The following PLAGL1 variants were observed in gnomAD, a reference collection of about 807,000 sequenced individuals.
PLAGL1 encodes zinc finger protein PLAGL1.
In PLAGL1, 1 loss-of-function variant was observed where a neutral mutation model predicts 4.6. The ratio of observed to expected loss-of-function variants is 0.22; its 90% confidence interval spans 0.08 to 1.03. PLAGL1 has a LOEUF of 1.03. Among genes scored for constraint, PLAGL1 ranks in the 50% least tolerant of loss-of-function variants. The pLI, the probability that PLAGL1 is intolerant of heterozygous loss-of-function variation, is 0.58. For missense variants in PLAGL1, 464 were observed against 570.4 expected (o/e 0.81, Z 1.90); for synonymous variants, 240 against 237.8 (o/e 1.01, Z -0.08).
chr6:144,055,403 T>C lies in PLAGL1; in HGVS notation c.-151+9065A>G, dbSNP rs1432874015. ...ACCACACTGGCATTCTTTAACATGA[T>C]GAATTTTATTATACAGATGAGGCTT... is the stretch of plus-strand genomic sequence containing the variant. On this transcript the variant is annotated intron_variant, in intron 1 of 3. Coordinates refer to the PLAGL1 transcript ENST00000437412. This position sits in a 1 kb window ranked among gnomAD's most constrained non-coding sequence, Gnocchi z 5.0. Among the ~76,000 whole-genome samples the C allele has an allele frequency of 2.0e-5, 3 of 152,226 alleles. No homozygotes were observed. The highest frequency in any genetic ancestry group is 4.4e-5 in the Non-Finnish European group (3 of 68,034).
In PLAGL1 at chr6:143,978,501, T is replaced by C. The variant is rs1787203018; in HGVS notation, c.-544+6634A>G. On this transcript the variant is annotated intron_variant, in intron 2 of 7. Transcript: ENST00000674357. The surrounding 1 kb of genome is among the most constrained non-coding windows in gnomAD (Gnocchi z 4.6). ...CAGCACTTTTTTCAGTATTAACTTT[T>C]AGTTTAATTCTGTAGTCTCAGAAAG... Among the ~76,000 whole-genome samples, 1 of 152,204 alleles carries C rather than the reference T, an allele frequency of 6.6e-6. No individual in the cohort carries two copies.
intron 1 of PLAGL1, among the ~76,000 whole-genome samples, chr6:144,002,006 C>G (rs1004157823): frequency 2.0e-5 from 3 of 151,912 alleles, no homozygotes; most frequent in African/African-American, 7.3e-5. Flanking sequence ...AAAAAAAGAA[C>G]ATTAGAGGGA....
intron 1 of PLAGL1, among the ~76,000 whole-genome samples, chr6:144,032,522 C>T (rs1424510683): frequency 6.6e-6 from 1 of 152,044 alleles, no homozygotes; most frequent in Non-Finnish European, 1.5e-5. Flanking sequence ...GTCATAATTT[C>T]TTCTACCTCC....
chr6:143,988,795 A>G (rs2128625361), intron 1 of PLAGL1, among the ~76,000 whole-genome samples: 1 of 152,248 alleles, frequency 6.6e-6, no homozygotes, highest in African/African-American at 2.4e-5. Context: ...AAAGCCAGCT[A>G]GTTCTCTGTC....
chr6:143,943,118 C>T (rs530722009), intron 7 of PLAGL1, among the ~76,000 whole-genome samples: 8 of 150,306 alleles, frequency 5.3e-5, no homozygotes, highest in African/African-American at 1.7e-4. Flanking sequence ...CCCGCCTTGG[C>T]CTCCAAAAGT....
At chr6:143,977,517 A>C (rs1786960807) in intron 2 of PLAGL1, among the ~76,000 whole-genome samples, 1 of 120,158 alleles carries the variant, frequency 8.3e-6, no homozygotes. Flanking sequence ...TCAATCGCCC[A>C]GACTGGGGTG....
rs948068416 is a variant in PLAGL1, at chr6:144,064,074, C to G, written c.-151+394G>C. On this transcript the variant is annotated intron_variant, in intron 1 of 3. Transcript: ENST00000437412. The surrounding 1 kb of genome is among the most constrained non-coding windows in gnomAD (Gnocchi z 6.8). The stretch of plus-strand genomic sequence containing the variant: ...CCCCAGCCTCGGAGAGCACAGGACC[C>G]GGGAGGCGGCGACCTGCCTCCGCGC... Among the ~76,000 whole-genome samples the G allele has an allele frequency of 2.0e-5, 3 of 152,188 alleles. No individual in the cohort carries two copies. The highest frequency in any genetic ancestry group is 7.2e-5 in the African/African-American group (3 of 41,458).
intron 1 of PLAGL1, among the ~76,000 whole-genome samples, chr6:144,025,187 G>A (rs777444067): frequency 1.9e-4 from 29 of 152,098 alleles, no homozygotes; most frequent in Middle Eastern, 3.2e-3. Context: ...TCAAACCCCA[G>A]TCTAACCATA....
chr6:144,018,172 TTATATAGTC>T (rs1180328745), intron 1 of PLAGL1, among the ~76,000 whole-genome samples: 1 of 152,236 alleles, frequency 6.6e-6, no homozygotes. Flanking sequence ...AATAGGATAT[TTATATAGTC>T]TATATAGTCT....
At position 143,984,810 on chromosome 6, in the gene PLAGL1, G is replaced by A. The variant is rs1315880193; in HGVS notation, c.-544+325C>T. Reference sequence around the variant, plus strand: ...GATACATAAATATGTTTTGGAGGAAGACTAATGCCCAACAGGACGTCTGCA... The same window carrying A: ...GATACATAAATATGTTTTGGAGGAAAACTAATGCCCAACAGGACGTCTGCA... On this transcript the variant is annotated intron_variant, in intron 2 of 7. Transcript: ENST00000674357. The surrounding 1 kb of genome is among the most constrained non-coding windows in gnomAD (Gnocchi z 5.5). Among the ~76,000 whole-genome samples the A allele has an allele frequency of 1.3e-5, 2 of 152,164 alleles. No individual in the cohort carries two copies. Among genetic ancestry groups the A allele is most frequent in the African/African-American group, 2.4e-5 (1 of 41,456 alleles).
chr6:144,023,465 G>C (rs562883620), intron 1 of PLAGL1, among the ~76,000 whole-genome samples: 3 of 152,142 alleles, frequency 2.0e-5, no homozygotes, highest in Admixed American at 1.3e-4. Flanking sequence ...CTCATTGAAG[G>C]GGGGCTGGGG....
Position 144,005,935 on chromosome 6 carries a change from T to C in PLAGL1, c.-584+2155A>G, listed in dbSNP as rs529073614. 9 of 152,272 alleles carry C rather than the reference T, an allele frequency of 5.9e-5. No homozygotes were observed. Among genetic ancestry groups the C allele is most frequent in the African/African-American group, 1.4e-4 (6 of 41,588 alleles). 9.4% of individuals were successfully genotyped at this position (152,272 alleles called of 1,614,324 possible). A position where few individuals can be genotyped will look rare whatever the true frequency, so the allele number is the denominator to read the frequency against. ...TCTGTAAAGTTCTGTGATTTTTATA[T>C]ACTTTTTAGTATTTCGTTTTTCATA... is the stretch of plus-strand genomic sequence containing the variant. On this transcript the variant is annotated intron_variant, in intron 1 of 7. Transcript: ENST00000674357. This position sits in a 1 kb window ranked among gnomAD's most constrained non-coding sequence, Gnocchi z 4.6.
chr6:144,020,390 C>A (rs1427543574), intron 1 of PLAGL1, among the ~76,000 whole-genome samples: 2 of 152,078 alleles, frequency 1.3e-5, no homozygotes, highest in Non-Finnish European at 2.9e-5. Flanking sequence ...CAGGTTCAAG[C>A]AAGTCTCCTG....
At chr6:144,040,560 C>A (rs957920441) in intron 1 of PLAGL1, among the ~76,000 whole-genome samples, 59 of 149,058 alleles carry the variant, frequency 4.0e-4, no homozygotes, top group African/African-American at 1.5e-3. Context: ...ATAAAGAAAA[C>A]AATGTCTAAA....
intron 1 of PLAGL1, among the ~76,000 whole-genome samples, chr6:144,042,361 G>A (rs1042928473): frequency 2.0e-5 from 3 of 152,172 alleles, no homozygotes; most frequent in African/African-American, 4.8e-5. Flanking sequence ...TAAGGTGAAA[G>A]GAAGGGATCC....
At chr6:144,035,967 G>C (rs1396123193) in intron 1 of PLAGL1, among the ~76,000 whole-genome samples, 7 of 152,174 alleles carry the variant, frequency 4.6e-5, no homozygotes. Context: ...CTTCTTTAAG[G>C]AGGTGGAGGA....
Position 144,033,892 on chromosome 6 carries a change from A to G in PLAGL1, c.-151+30576T>C, listed in dbSNP as rs1797018035. Among the ~76,000 whole-genome samples the G allele has an allele frequency of 5.3e-5, 8 of 152,372 alleles. No individual in the cohort carries two copies. In the South Asian group the frequency reaches 1.7e-3, roughly 32 times the overall value. ...TCTGTCAAAAGAAATGGTCTTTTCT[A>G]AGTCTGAGGTAATGAGACTTGAACA... On this transcript the variant is annotated intron_variant, in intron 1 of 3. Coordinates refer to the PLAGL1 transcript ENST00000437412.
At chr6:144,010,007 G>A (rs1028293107), upstream of PLAGL1, among the ~76,000 whole-genome samples, 3 of 152,170 alleles carry the variant, frequency 2.0e-5, no homozygotes, top group Non-Finnish European at 2.9e-5. This position sits in a 1 kb window ranked among gnomAD's most constrained non-coding sequence, Gnocchi z 4.1. Context: ...ACAGTAGAAT[G>A]ATTTATAATT....
chr6:144,062,470 C>CAAAAAAA (rs543521128), intron 1 of PLAGL1, among the ~76,000 whole-genome samples: 1 of 75,720 alleles, frequency 1.3e-5, no homozygotes, highest in South Asian at 5.6e-4. Context: ...GTTATCAGAC[C>CAAAAAAA]AAAAAAAAAA....
Sources: gnomAD v4.1 joint callset for allele counts (sites outside exome capture counted in the v4.1 genomes callset) on GRCh38, gnomAD v4.1.1 for gene constraint, Gnocchi (gnomAD v3.1) non-coding constraint, MANE v1.5 for transcripts, NCBI Gene and HGNC (gene_info 2026-07-23, HGNC 2026-07-21) for gene names.